Variants in COL16A1 observed in about 807,000 individuals in gnomAD.
COL16A1 encodes collagen alpha-1(XVI) chain.
A neutral mutation model predicts 266.3 loss-of-function variants in COL16A1; 189 were observed. That is an observed-to-expected ratio of 0.71 (90% CI 0.63 to 0.80). COL16A1 has a LOEUF of 0.80. COL16A1 is among the 30% of genes least tolerant of loss of function. The pLI is 0.00. For synonymous variants in COL16A1, 740 were observed against 782.3 expected (o/e 0.95, Z 0.90); for missense variants, 1,928 against 2,122.4 (o/e 0.91, Z 1.80).
At chr1:31,694,329 G>A (rs1291297932) in intron 11 of COL16A1, among the ~76,000 whole-genome samples, 159 bp from the exon 12 acceptor site, 12 of 152,216 alleles carry the variant, frequency 7.9e-5, no homozygotes, top group Non-Finnish European at 4.4e-5. Context: ...CTAGCAAGCC[G>A]ATTCCATTTC....
intron 14 of COL16A1, 44 bp downstream of exon 14, chr1:31,692,723 G>A: frequency 3.1e-6 from 5 of 1,612,388 alleles, no homozygotes; most frequent in Non-Finnish European, 4.2e-6. Flanking sequence ...CCCAGGGGCT[G>A]GCCCCATATT....
In COL16A1 at chr1:31,661,452, T is replaced by G. The variant is rs1641655157; in HGVS notation, c.3733A>C (p.Lys1245Gln). ...AGGCCAGGATGTCCTGTTTTCCCCT[T>G]AAAGCCCTGAAAGAAAAAGCAGGGA... ...PPGLMGPPGF[K>Q]GKTGHPGLPG... is the part of the protein sequence containing the mutation. Residue 1245 changes from lysine (K) to glutamine (Q), a missense_variant, in exon 60 of 71, where the codon AAG (lysine) becomes CAG (glutamine). Coordinates refer to ENST00000373672, the MANE Select transcript of COL16A1 (RefSeq NM_001856.4). 6.2e-7 allele frequency: 1 copy of G among 1,614,038 alleles called. No homozygotes were observed. The highest frequency in any genetic ancestry group is 8.5e-7 in the Non-Finnish European group (1 of 1,180,038).
chr1:31,701,905 C>T (rs948763554), intron 2 of COL16A1, among the ~76,000 whole-genome samples: 2 of 152,098 alleles, frequency 1.3e-5, no homozygotes, highest in Non-Finnish European at 1.5e-5. Flanking sequence ...TGCTCAGAGA[C>T]ATAAACGTAC....
Position 31,680,904 on chromosome 1 carries a change from C to T in COL16A1, c.2610+1G>A. On this transcript the variant is annotated splice_donor_variant, in intron 39 of 70. Coordinates refer to ENST00000373672, the MANE Select transcript of COL16A1 (RefSeq NM_001856.4). LOFTEE classifies it high-confidence loss of function. The stretch of plus-strand genomic sequence containing the variant: ...ATGGGTCACAGGCCCTTGGAACTCA[C>T]CTTCTCTCCTCGTGGTCCTTTTTCA... The T allele has an allele frequency of 6.2e-7, 1 of 1,614,196 alleles. No individual in the cohort carries two copies. Among genetic ancestry groups the T allele is most frequent in the Non-Finnish European group, 8.5e-7 (1 of 1,180,040 alleles).
At position 31,654,190 on chromosome 1, in the gene COL16A1, T is replaced by A. The variant is rs541988098; in HGVS notation, c.4358-147A>T. ...TCAGGGCAAGGAGTATGGGGGTGGG[T>A]CTCGCAAGGGGGTTCCCACGTCCTG... is the stretch of plus-strand genomic sequence containing the variant. On this transcript the variant is annotated intron_variant, in intron 68 of 70. Coordinates refer to ENST00000373672, the MANE Select transcript of COL16A1 (RefSeq NM_001856.4). 7 of 1,227,264 alleles carry A rather than the reference T, an allele frequency of 5.7e-6. No homozygotes were observed. The South Asian group carries it at 1.1e-4, about 19-fold the overall frequency. The allele number at this position is 1,227,264 out of a possible 1,614,324, so 76.0% of individuals were successfully genotyped here.
intron 3 of COL16A1, 49 bp downstream of exon 3, chr1:31,699,992 C>A (rs767411255): frequency 3.1e-6 from 5 of 1,610,104 alleles, no homozygotes; most frequent in Non-Finnish European, 4.2e-6. Flanking sequence ...ACAGATCACT[C>A]CCAGAGGAAG....
Position 31,664,164 on chromosome 1 carries a change from GAA to G in COL16A1, c.3555+1006_3555+1007del, listed in dbSNP as rs1641926401. ...AGGTCCTGGGGAGGGGAAGGAAGGG[GAA>G]GGGGAAGGGGAAGGGGAAGGGGAAG... On this transcript the variant is annotated intron_variant, in intron 56 of 70. Transcript: ENST00000373672. The surrounding 1 kb of genome is among the most constrained non-coding windows in gnomAD (Gnocchi z 5.5). 4.0e-5 allele frequency among the ~76,000 whole-genome samples: 1 copy of G among 25,076 alleles called. No homozygotes were observed. The highest frequency in any genetic ancestry group is 4.4e-5 in the African/African-American group (1 of 22,938). 16.5% of individuals were successfully genotyped at this position (25,076 alleles called of 152,430 possible). A position where few individuals can be genotyped will look rare whatever the true frequency, so the allele number is the denominator to read the frequency against.
At position 31,697,838 on chromosome 1, in the gene COL16A1, G is replaced by T; in HGVS notation, c.657+68C>A. The T allele has an allele frequency of 6.6e-7, 1 of 1,512,214 alleles. No homozygotes were observed. Among genetic ancestry groups the T allele is most frequent in the Non-Finnish European group, 8.9e-7 (1 of 1,126,096 alleles). The allele number at this position is 1,512,214 out of a possible 1,614,324, so 93.7% of individuals were successfully genotyped here. A position where few individuals can be genotyped will look rare whatever the true frequency, so the allele number is the denominator to read the frequency against. ...CAGGAGAAGGACTTGTTCCGATACGGATTCCAGGAAGCCCACTCAGGTTCC... is the reference window on the plus strand; with the variant it reads ...CAGGAGAAGGACTTGTTCCGATACGTATTCCAGGAAGCCCACTCAGGTTCC... On this transcript the variant is annotated intron_variant, in intron 6 of 70. Coordinates refer to ENST00000373672, the MANE Select transcript of COL16A1 (RefSeq NM_001856.4). The surrounding 1 kb of genome is among the most constrained non-coding windows in gnomAD (Gnocchi z 4.2).
At chr1:31,662,747 G>A (rs1641807921) in intron 56 of COL16A1, 89 bp from the exon 57 acceptor site, 7 of 1,362,034 alleles carry the variant, frequency 5.1e-6, no homozygotes, top group Non-Finnish European at 5.9e-6. Context: ...CTGGGTCAAG[G>A]GTCCTGGTGA....
chr1:31,699,878 C>G lies in COL16A1; in HGVS notation c.201G>C (p.Lys67Asn). 2 of 1,614,132 alleles carry G rather than the reference C, an allele frequency of 1.2e-6. No individual in the cohort carries two copies. The highest frequency in any genetic ancestry group is 1.3e-5 in the African/African-American group (1 of 75,052). ...TGAGAGGCCCCTTGGGGTTGCGGAT[C>G]TTCTTGATGGCAGACGTCTTCATGA... ...LSLMKTSAIK[K>N]IRNPKGPLIL... is the part of the protein sequence containing the mutation. The change falls in exon 4 of 71, where the codon AAG becomes AAC. Residue 67 changes from lysine to asparagine, a missense_variant. Coordinates refer to ENST00000373672, the MANE Select transcript of COL16A1 (RefSeq NM_001856.4).
rs1336820967 is a variant in COL16A1 at position 31,690,396 on chromosome 1, G to A, written c.1483-3C>T. 6.2e-7 allele frequency: 1 copy of A among 1,613,996 alleles called. No individual in the cohort carries two copies. Among genetic ancestry groups the A allele is most frequent in the Non-Finnish European group, 8.5e-7 (1 of 1,180,014 alleles). ...TCTCCCTTCACACCTGGCTTCCCCT[G>A]TTAGAAAAGAGGCAATGGGCATCAG... On this transcript the variant is annotated splice_region_variant and splice_polypyrimidine_tract_variant and intron_variant, in intron 21 of 70. Transcript: ENST00000373672.
chr1:31,676,722 A>G (rs1643216586), intron 42 of COL16A1, among the ~76,000 whole-genome samples: 1 of 152,204 alleles, frequency 6.6e-6, no homozygotes, highest in Non-Finnish European at 1.5e-5. Context: ...CGTGAGGCAC[A>G]TTTGCATATT....
At chr1:31,692,452 C>G (rs1215543162) in intron 16 of COL16A1, 22 bp downstream of exon 16, 2 of 1,604,412 alleles carry the variant, frequency 1.2e-6, no homozygotes, top group Non-Finnish European at 1.7e-6. Context: ...GGAAATCCCC[C>G]CTCCAAATCC....
intron 37 of COL16A1, among the ~76,000 whole-genome samples, chr1:31,681,540 T>C (rs902250995): frequency 2.0e-5 from 3 of 152,314 alleles, no homozygotes; most frequent in Admixed American, 6.5e-5. Flanking sequence ...CTCCAAGAAA[T>C]TGGAGACTTT....
chr1:31,654,350 G>T (rs952744687), intron 68 of COL16A1, among the ~76,000 whole-genome samples: 3 of 152,196 alleles, frequency 2.0e-5, no homozygotes, highest in African/African-American at 7.2e-5. Flanking sequence ...TTCAAGGTCT[G>T]CTTCCCAAGC....
At chr1:31,701,520 C>G in intron 2 of COL16A1, 1 of 985,382 alleles carries the variant, frequency 1.0e-6, no homozygotes, top group Middle Eastern at 5.2e-4. Context: ...CCAGCAAGGC[C>G]AGGCAAGTTG....
Position 31,684,868 on chromosome 1 carries a change from G to A in COL16A1, c.2017-12C>T, listed in dbSNP as rs766117841. On this transcript the variant is annotated splice_polypyrimidine_tract_variant and intron_variant, in intron 29 of 70. Coordinates refer to ENST00000373672, the MANE Select transcript of COL16A1 (RefSeq NM_001856.4). ...TCTCCAGCCTTGCCCTGAGGAGAAA[G>A]CATTTCCAGCACCCGCTCACTCATA... 1 of 1,613,524 alleles carries A rather than the reference G, an allele frequency of 6.2e-7. No individual in the cohort carries two copies. The highest frequency in any genetic ancestry group is 8.5e-7 in the Non-Finnish European group (1 of 1,180,012).
rs149090320 is a variant in COL16A1 at position 31,697,919 on chromosome 1, C to T, written c.644G>A (p.Gly215Asp). Residue 215 changes from glycine to aspartate, a missense_variant, in exon 6 of 71, where the codon GGC becomes GAC. Coordinates refer to ENST00000373672, the MANE Select transcript of COL16A1 (RefSeq NM_001856.4). The surrounding 1 kb of genome is among the most constrained non-coding windows in gnomAD (Gnocchi z 4.2). ...HVFLGLDAEQ[G>D]KPVSFDLQQV... ...CCTAGCACTCACCGAGACAGGCTTGCCCTGCTCAGCATCCAAGCCTAGAAA... is the reference window on the plus strand; with the variant it reads ...CCTAGCACTCACCGAGACAGGCTTGTCCTGCTCAGCATCCAAGCCTAGAAA... 27 of 1,611,748 alleles carry T rather than the reference C, an allele frequency of 1.7e-5. No homozygotes were observed. The African/African-American group carries it at 3.3e-4, about 20-fold the overall frequency.
chr1:31,654,705 G>A (rs987203406), intron 68 of COL16A1, 87 bp downstream of exon 68: 84 of 1,607,410 alleles, frequency 5.2e-5, no homozygotes, highest in African/African-American at 1.2e-4. Flanking sequence ...GACATTGAGC[G>A]TTAAGGAGAA....
Sources: gnomAD v4.1 joint callset for allele counts (sites outside exome capture counted in the v4.1 genomes callset) on GRCh38, gnomAD v4.1.1 for gene constraint, Gnocchi (gnomAD v3.1) non-coding constraint, MANE v1.5 for transcripts, NCBI Gene and HGNC (gene_info 2026-07-23, HGNC 2026-07-21) for gene names.